RBM28: variants seen among roughly 807,000 people sequenced by gnomAD.
The protein encoded by RBM28 is RNA-binding protein 28.
Under a neutral mutation model 98.3 loss-of-function variants are expected in RBM28, and 78 were observed. The ratio of observed to expected loss-of-function variants is 0.79; its 90% CI spans 0.66 to 0.96. The LOEUF is 0.96. Ranked by LOEUF, RBM28 falls within the 40% of genes least tolerant of loss-of-function variation. The pLI is 0.00. For missense variants in RBM28, 838 were observed against 913.0 expected, an observed-to-expected ratio of 0.92 and a Z score of 1.06; for synonymous variants, 306 against 330.9, an observed-to-expected ratio of 0.92 and a Z score of 0.82.
In RBM28 at chr7:128,306,874, C is replaced by T. The variant is rs1205691304; in HGVS notation, c.*3923G>A. ...CAAAGTAATCAGACTATACCAGTAG[C>T]TCACCCCATGTCTGGTCACCAAGTA... On this transcript the variant is annotated 3_prime_UTR_variant, in exon 19 of 19. Coordinates refer to ENST00000223073, the MANE Select transcript of RBM28 (RefSeq NM_018077.3). The T allele has an allele frequency of 1.3e-5, 2 of 152,278 alleles. No homozygotes were observed. Among genetic ancestry groups the T allele is most frequent in the East Asian group, 3.8e-4 (2 of 5,206 alleles). The allele number at this position is 152,278 out of a possible 1,614,324, so 9.4% of individuals were successfully genotyped here.
In RBM28 at chr7:128,338,923, A is replaced by T; in HGVS notation, c.373-122T>A. On this transcript the variant is annotated intron_variant, in intron 3 of 18. Transcript: ENST00000223073. Reference sequence around the variant, plus strand: ...ATGTTTACTTTTTTTTATTTTTGATACTAGGACATCAAATGTTTCTAAATA... The same window carrying T: ...ATGTTTACTTTTTTTTATTTTTGATTCTAGGACATCAAATGTTTCTAAATA... 11 of 798,848 alleles carry T rather than the reference A, an allele frequency of 1.4e-5. No individual in the cohort carries two copies. The South Asian group carries it at 1.6e-4, about 12-fold the overall frequency. The allele number at this position is 798,848 out of a possible 1,614,324, so 49.5% of individuals were successfully genotyped here.
chr7:128,314,739 G>A (rs2116324868), intron 17 of RBM28, 25 bp downstream of exon 17: 1 of 1,614,172 alleles, frequency 6.2e-7, no homozygotes, highest in African/African-American at 1.3e-5. Context: ...CCACTGTTCT[G>A]TGCTTCTGCC....
At chr7:128,330,771 G>A (rs747905915) in intron 10 of RBM28, 48 bp downstream of exon 10, 18 of 1,309,990 alleles carry the variant, frequency 1.4e-5, no homozygotes, top group South Asian at 5.9e-5. Context: ...CAGTGCCCAC[G>A]GCAGTGGTCT....
intron 16 of RBM28, among the ~76,000 whole-genome samples, chr7:128,315,532 G>T (rs537509299): frequency 2.0e-5 from 3 of 151,926 alleles, no homozygotes; most frequent in South Asian, 2.1e-4. Context: ...GCCAGACAGG[G>T]GAAAAATTTT....
At chr7:128,321,761 T>C (rs151059427) in intron 13 of RBM28, among the ~76,000 whole-genome samples, 100 of 152,082 alleles carry the variant, frequency 6.6e-4, no homozygotes, top group African/African-American at 2.2e-3. Flanking sequence ...AATGAGATAA[T>C]ATAAGGCTGG....
intron 10 of RBM28, among the ~76,000 whole-genome samples, chr7:128,326,324 T>C (rs1055804053): frequency 5.5e-5 from 8 of 146,076 alleles, no homozygotes; most frequent in Non-Finnish European, 1.2e-4. Context: ...AAAAAAAAAG[T>C]ACAGCCATGT....
chr7:128,312,513 G>A (rs1165108375), intron 18 of RBM28, among the ~76,000 whole-genome samples: 2 of 152,114 alleles, frequency 1.3e-5, no homozygotes, highest in Non-Finnish European at 2.9e-5. Context: ...ACACCACAAA[G>A]AAGCAAATGG....
At chr7:128,334,929 CAAAG>C (rs1408186158) in intron 8 of RBM28, among the ~76,000 whole-genome samples, 1 of 152,134 alleles carries the variant, frequency 6.6e-6, no homozygotes, top group East Asian at 1.9e-4. Flanking sequence ...CGTCAAGCCA[CAAAG>C]AAAAGGCCAT....
In RBM28 at chr7:128,309,590, G is replaced by C. The variant is rs542866422; in HGVS notation, c.*1207C>G. The C allele has an allele frequency of 1.4e-5, 2 of 147,106 alleles. No individual in the cohort carries two copies. Among genetic ancestry groups the C allele is most frequent in the African/African-American group, 5.1e-5 (2 of 39,426 alleles). 9.1% of individuals were successfully genotyped at this position (147,106 alleles called of 1,614,324 possible). ...GGAGGTTGCAATGAGCTGAGACAGC[G>C]CCATTGCACTCCAGCCTGGGCGACA... On this transcript the variant is annotated 3_prime_UTR_variant, in exon 19 of 19. Coordinates refer to ENST00000223073, the MANE Select transcript of RBM28 (RefSeq NM_018077.3).
Position 128,324,602 on chromosome 7 carries a change from C to T in RBM28, c.1296G>A (p.Lys432=), listed in dbSNP as rs1330247730. Residue 432 remains lysine, a synonymous_variant, in exon 12 of 19, where the codon AAG becomes AAA. Coordinates refer to ENST00000223073, the MANE Select transcript of RBM28 (RefSeq NM_018077.3). ...AGAGATTCCGGGTGCCAGTCGGCTT[C>T]TTCACCTTCGTCGTCTGAAGCTTTG... ...EAAKLQTTKV[K]KPTGTRNLYL... is the part of the protein sequence containing the mutation. The T allele has an allele frequency of 9.9e-6, 16 of 1,614,238 alleles. No homozygotes were observed. The highest frequency in any genetic ancestry group is 1.3e-5 in the Non-Finnish European group (15 of 1,180,048).
In RBM28 at chr7:128,309,008, C is replaced by G. The variant is rs1401319274; in HGVS notation, c.*1789G>C. On this transcript the variant is annotated 3_prime_UTR_variant, in exon 19 of 19. Coordinates refer to ENST00000223073, the MANE Select transcript of RBM28 (RefSeq NM_018077.3). ...AAAAAAAAAAGAAATAACCATATCT[C>G]TAGCTCAGCAATGGTTCTGTCAAAG... The G allele has an allele frequency of 7.0e-6, 1 of 141,992 alleles. No homozygotes were observed. Among genetic ancestry groups the G allele is most frequent in the East Asian group, 2.3e-4 (1 of 4,412 alleles). 8.8% of individuals were successfully genotyped at this position (141,992 alleles called of 1,614,324 possible).
intron 13 of RBM28, among the ~76,000 whole-genome samples, chr7:128,321,953 C>G (rs1240818948): frequency 6.6e-6 from 1 of 151,528 alleles, no homozygotes; most frequent in Non-Finnish European, 1.5e-5. Context: ...GAGGCTGAAG[C>G]AGGAGAATCG....
At chr7:128,311,251 C>T (rs1024240857) in intron 18 of RBM28, among the ~76,000 whole-genome samples, 2 of 152,170 alleles carry the variant, frequency 1.3e-5, no homozygotes, top group Non-Finnish European at 2.9e-5. Flanking sequence ...AGAGTCCGGC[C>T]ATTCTTGCTT....
chr7:128,339,809 G>A lies in RBM28; in HGVS notation c.119-18C>T. 4 of 1,611,800 alleles carry A rather than the reference G, an allele frequency of 2.5e-6. No homozygotes were observed. The highest frequency in any genetic ancestry group is 1.3e-5 in the African/African-American group (1 of 74,962). On this transcript the variant is annotated intron_variant, in intron 1 of 18. Coordinates refer to ENST00000223073, the MANE Select transcript of RBM28 (RefSeq NM_018077.3). The stretch of plus-strand genomic sequence containing the variant: ...CTTACTCCCTGGAATAATGGAGTGG[G>A]GAGGGAGTGGAGGGGCAGTGTGAAA...
intron 18 of RBM28, among the ~76,000 whole-genome samples, chr7:128,312,848 T>C (rs564031595): frequency 6.6e-6 from 1 of 152,162 alleles, no homozygotes; most frequent in South Asian, 2.1e-4. Flanking sequence ...CACTCTGAGG[T>C]TTTTCTGAGC....
In RBM28 at chr7:128,319,769, C is replaced by A. The variant is rs190840627; in HGVS notation, c.1563+1497G>T. Among the ~76,000 whole-genome samples the A allele has an allele frequency of 1.7e-3, 260 of 152,244 alleles. 1 individual carries two copies. The highest frequency in any genetic ancestry group is 3.0e-3 in the Non-Finnish European group (201 of 68,018). On this transcript the variant is annotated intron_variant, in intron 14 of 18. Transcript: ENST00000223073. The stretch of plus-strand genomic sequence containing the variant: ...CAGTTTGAGGCCAGGGTAATAGTAA[C>A]CAGTATGACAGAGATATGCAAGGCC...
Position 128,306,503 on chromosome 7 carries a change from G to T in RBM28, c.*4294C>A, listed in dbSNP as rs1795870584. On this transcript the variant is annotated 3_prime_UTR_variant, in exon 19 of 19. Transcript: ENST00000223073. ...AGTAAATCAATGTTAGGTGTTGTGG[G>T]GTATGTGGAAAAGTGAAAAAATAAT... is the stretch of plus-strand genomic sequence containing the variant. The T allele has an allele frequency of 1.3e-5, 2 of 152,118 alleles. No individual in the cohort carries two copies. The highest frequency in any genetic ancestry group is 4.1e-4 in the South Asian group (2 of 4,826). The allele number at this position is 152,118 out of a possible 1,614,324, so 9.4% of individuals were successfully genotyped here.
Position 128,330,892 on chromosome 7 carries a change from C to A in RBM28, c.1056G>T (p.Gly352=), listed in dbSNP as rs757504602. ...LSFDSEEEEL[G]ELLQQFGELK... ...GTTCTCCAAACTGTTGGAGAAGCTC[C>A]CCAAGTTCTTCTTCTTCTGAGTCAA... The change falls in exon 10 of 19, where the codon GGG becomes GGT. Residue 352 remains glycine, a synonymous_variant. Coordinates refer to ENST00000223073, the MANE Select transcript of RBM28 (RefSeq NM_018077.3). 2 of 1,614,006 alleles carry A rather than the reference C, an allele frequency of 1.2e-6. No individual in the cohort carries two copies. The highest frequency in any genetic ancestry group is 4.5e-5 in the East Asian group (2 of 44,882).
intron 8 of RBM28, among the ~76,000 whole-genome samples, chr7:128,334,003 T>G (rs1216698452): frequency 2.6e-5 from 4 of 152,166 alleles, no homozygotes; most frequent in African/African-American, 9.7e-5. Context: ...ACACACAAAT[T>G]ATAAAATACA....
Sources: allele counts gnomAD v4.1 joint callset (sites outside exome capture counted in the v4.1 genomes callset), GRCh38; gene constraint gnomAD v4.1.1; transcripts MANE v1.5; gene names NCBI Gene and HGNC (gene_info 2026-07-23, HGNC 2026-07-21).